Variants in SCN9A observed in about 807,000 individuals in gnomAD.
SCN9A encodes the protein sodium channel protein type 9 subunit alpha.
A neutral mutation model predicts 187.0 loss-of-function variants in SCN9A; 131 were observed. The observed-to-expected ratio is 0.70, with a 90% CI of 0.61 to 0.81. The LOEUF (loss-of-function observed/expected upper bound fraction) is 0.81. Ranked by LOEUF, SCN9A falls within the 30% of genes least tolerant of loss-of-function variation. The pLI is 0.00. For missense variants in SCN9A, 2,252 were observed against 2,396.6 expected, an observed-to-expected ratio of 0.94 and a Z score of 1.26; for synonymous variants, 809 against 808.6, an observed-to-expected ratio of 1.00 and a Z score of -0.01.
At chr2:166,289,792 T>C (rs1405324293) in intron 9 of SCN9A, among the ~76,000 whole-genome samples, 1 of 152,160 alleles carries the variant, frequency 6.6e-6, no homozygotes, top group African/African-American at 2.4e-5. Flanking sequence ...TCTCCACATT[T>C]TCTCCAGCAT....
At chr2:166,344,707 T>G (rs967568757) in intron 1 of SCN9A, among the ~76,000 whole-genome samples, 1 of 152,186 alleles carries the variant, frequency 6.6e-6, no homozygotes, top group African/African-American at 2.4e-5. Context: ...TTTTCATGTC[T>G]CTTTTCTGGA....
In SCN9A at chr2:166,245,500, T is replaced by C. The variant is rs187688896; in HGVS notation, c.3473-2844A>G. On this transcript the variant is annotated intron_variant, in intron 18 of 26. Transcript: ENST00000642356. ...GAGTAAAAAGTTTTATAAGAAGTGA[T>C]AAACAGAGCTATGAACATAAGAGGC... Among the ~76,000 whole-genome samples, 281 of 151,888 alleles carry C rather than the reference T, an allele frequency of 1.9e-3. 1 individual carries two copies. The highest frequency in any genetic ancestry group is 6.4e-3 in the African/African-American group (267 of 41,508).
intron 24 of SCN9A, among the ~76,000 whole-genome samples, chr2:166,210,018 T>A (rs1161683747): frequency 6.6e-6 from 1 of 152,130 alleles, no homozygotes; most frequent in Non-Finnish European, 1.5e-5. Flanking sequence ...GTATGTTTAT[T>A]GCGGCACTAT....
intron 1 of SCN9A, among the ~76,000 whole-genome samples, chr2:166,334,046 T>C (rs1699572282): frequency 6.6e-6 from 1 of 152,086 alleles, no homozygotes; most frequent in Admixed American, 6.6e-5. Flanking sequence ...TGGAATGCTA[T>C]GAGCAAGAAA....
chr2:166,351,423 A>G (rs945021626), intron 1 of SCN9A, among the ~76,000 whole-genome samples: 5 of 152,200 alleles, frequency 3.3e-5, no homozygotes, highest in African/African-American at 9.6e-5. Flanking sequence ...GATGTGGGTC[A>G]TGTGGTAAGG....
intron 24 of SCN9A, among the ~76,000 whole-genome samples, chr2:166,222,560 G>A (rs893692009): frequency 2.0e-5 from 3 of 151,870 alleles, no homozygotes; most frequent in Non-Finnish European, 4.4e-5. Flanking sequence ...CCAGGGAGTC[G>A]GAGGTTGCAG....
At chr2:166,334,434 C>T (rs1699579605) in intron 1 of SCN9A, among the ~76,000 whole-genome samples, 1 of 152,044 alleles carries the variant, frequency 6.6e-6, no homozygotes, top group Admixed American at 6.6e-5. Context: ...ATAAATATCA[C>T]ACCTTTATGC....
intron 26 of SCN9A, among the ~76,000 whole-genome samples, 183 bp from the exon 27 acceptor site, chr2:166,200,047 G>C (rs960493751): frequency 8.5e-6 from 1 of 117,036 alleles, no homozygotes; most frequent in Non-Finnish European, 1.6e-5. Flanking sequence ...GCCCAGGCTG[G>C]AGTGCAGTGG....
intron 16 of SCN9A, among the ~76,000 whole-genome samples, chr2:166,275,569 G>A (rs1289771733): frequency 2.1e-5 from 3 of 142,656 alleles, no homozygotes; most frequent in African/African-American, 7.9e-5. Context: ...GGGCAACAAA[G>A]CGAGATTCCA....
intron 1 of SCN9A, among the ~76,000 whole-genome samples, chr2:166,330,981 T>A (rs1404774141): frequency 6.6e-6 from 1 of 151,804 alleles, no homozygotes; most frequent in Non-Finnish European, 1.5e-5. Context: ...CTTATACAAC[T>A]GGGGGAGGAG....
intron 7 of SCN9A, among the ~76,000 whole-genome samples, chr2:166,295,735 C>T (rs1698271553): frequency 6.6e-6 from 1 of 152,180 alleles, no homozygotes; most frequent in Non-Finnish European, 1.5e-5. Context: ...TCTTACTTTT[C>T]ATTCACCAGT....
chr2:166,358,807 T>G, intron 1 of SCN9A, among the ~76,000 whole-genome samples: 1 of 152,210 alleles, frequency 6.6e-6, no homozygotes, highest in East Asian at 1.9e-4. Context: ...AACCTTGTAA[T>G]GACATTGATA....
At chr2:166,233,854 T>C (rs561336022) in intron 20 of SCN9A, among the ~76,000 whole-genome samples, 1 of 152,276 alleles carries the variant, frequency 6.6e-6, no homozygotes, top group African/African-American at 2.4e-5. Context: ...AGCTAAGCCC[T>C]AAAAGTGTGG....
At chr2:166,330,950 C>T (rs2105263718) in intron 1 of SCN9A, among the ~76,000 whole-genome samples, 1 of 152,144 alleles carries the variant, frequency 6.6e-6, no homozygotes, top group East Asian at 1.9e-4. Context: ...ATAAACAGAT[C>T]CAGGTTTTAT....
At chr2:166,263,677 G>A (rs1193218706) in intron 17 of SCN9A, among the ~76,000 whole-genome samples, 1 of 151,986 alleles carries the variant, frequency 6.6e-6, no homozygotes, top group Non-Finnish European at 1.5e-5. Context: ...TGGCATGTTT[G>A]AGTGTGATCT....
chr2:166,216,168 A>G (rs2106366945), intron 24 of SCN9A, among the ~76,000 whole-genome samples: 1 of 152,226 alleles, frequency 6.6e-6, no homozygotes, highest in South Asian at 2.1e-4. Flanking sequence ...CAGACAAAGC[A>G]TTTGATAAAA....
intron 20 of SCN9A, among the ~76,000 whole-genome samples, chr2:166,235,556 T>G (rs3793937): frequency 0.88 from 134,155 of 152,078 alleles, 59,241 homozygotes; most frequent in East Asian, 0.95. Context: ...TGATTCAGTA[T>G]GTCTTGGGGT....
At chr2:166,224,227 C>T (rs1444029833) in intron 24 of SCN9A, among the ~76,000 whole-genome samples, 1 of 151,968 alleles carries the variant, frequency 6.6e-6, no homozygotes, top group Non-Finnish European at 1.5e-5. Context: ...TTATATATTA[C>T]ATGTATGTAT....
chr2:166,261,635 G>T (rs978041081), intron 17 of SCN9A, among the ~76,000 whole-genome samples: 1 of 151,910 alleles, frequency 6.6e-6, no homozygotes. Context: ...ATCCAGTTAT[G>T]CCAATGTAGT....
Sources: allele counts gnomAD v4.1 joint callset (sites outside exome capture counted in the v4.1 genomes callset), GRCh38; gene constraint gnomAD v4.1.1; transcripts MANE v1.5; gene names NCBI Gene and HGNC (gene_info 2026-07-23, HGNC 2026-07-21).